ABCB10: variants seen among roughly 807,000 people sequenced by gnomAD.
The protein encoded by ABCB10 is ATP binding cassette subfamily B member 10.
Under a neutral mutation model 65.4 loss-of-function variants are expected in ABCB10, and 54 were observed. That is an observed-to-expected ratio of 0.83 (90% CI 0.66 to 1.04). ABCB10 has a LOEUF of 1.04. Among genes scored for constraint, ABCB10 ranks in the 50% least tolerant of loss-of-function variants. The probability of loss-of-function intolerance (pLI) is 0.00; values close to 1 mark genes in which losing one functional copy is unlikely to be tolerated. For missense variants in ABCB10, 846 were observed against 976.6 expected, an observed-to-expected ratio of 0.87 and a Z score of 1.78; for synonymous variants, 418 against 406.5, an observed-to-expected ratio of 1.03 and a Z score of -0.34.
In ABCB10 at chr1:229,521,646, C is replaced by A. The variant is rs1378196917; in HGVS notation, c.1907-11G>T. The A allele has an allele frequency of 6.2e-7, 1 of 1,612,588 alleles. No individual in the cohort carries two copies. Among genetic ancestry groups the A allele is most frequent in the Non-Finnish European group, 8.5e-7 (1 of 1,179,242 alleles). ...GCTGTTTCTGCCCACCTGACAAAGACAACATTTAAAAAAAGAAGGCCTCAA... is the reference window on the plus strand; with the variant it reads ...GCTGTTTCTGCCCACCTGACAAAGAAAACATTTAAAAAAAGAAGGCCTCAA... On this transcript the variant is annotated splice_polypyrimidine_tract_variant and intron_variant, in intron 10 of 12. Coordinates refer to ENST00000344517, the MANE Select transcript of ABCB10 (RefSeq NM_012089.3).
chr1:229,542,128 G>T, intron 4 of ABCB10, 109 bp downstream of exon 4: 2 of 1,357,334 alleles, frequency 1.5e-6, no homozygotes, highest in Non-Finnish European at 2.0e-6. Flanking sequence ...GAAAGGAAAG[G>T]CAGGCACTTC....
Position 229,558,305 on chromosome 1 carries a change from GGC to G in ABCB10, c.346_347del (p.Ala116ProfsTer51). 1 of 1,235,666 alleles carries G rather than the reference GGC, an allele frequency of 8.1e-7. No homozygotes were observed. The highest frequency in any genetic ancestry group is 1.0e-6 in the Non-Finnish European group (1 of 988,240). 76.5% of individuals were successfully genotyped at this position (1,235,666 alleles called of 1,614,324 possible). ...CGGCTGCGGGACCGCCCGGGAACCGGGCGCGCGGGAGCCGAGGAGCGCCTGGC... is the reference window on the plus strand; with the variant it reads ...CGGCTGCGGGACCGCCCGGGAACCGGGCGCGGGAGCCGAGGAGCGCCTGGC... ...AGPGAPRLPR[A>X]RFPGGPAAAA... On this transcript the variant is annotated frameshift_variant, in exon 1 of 13. Transcript: ENST00000344517. LOFTEE classifies it high-confidence loss of function.
intron 11 of ABCB10, among the ~76,000 whole-genome samples, chr1:229,520,990 A>C (rs1012202724): frequency 6.6e-6 from 1 of 152,226 alleles, no homozygotes; most frequent in Non-Finnish European, 1.5e-5. Context: ...CCAACTCCGC[A>C]AATTTACTAA....
chr1:229,547,146 G>C (rs570688391), intron 3 of ABCB10, among the ~76,000 whole-genome samples: 2 of 152,296 alleles, frequency 1.3e-5, no homozygotes, highest in East Asian at 1.9e-4. Context: ...TACACACACA[G>C]AGGAATGGAA....
Position 229,527,219 on chromosome 1 carries a change from C to G in ABCB10, c.1725+10G>C, listed in dbSNP as rs1558120107. The G allele has an allele frequency of 1.2e-6, 2 of 1,604,618 alleles. No homozygotes were observed. The highest frequency in any genetic ancestry group is 2.2e-5 in the South Asian group (2 of 89,434). ...GAAAGTGAAATAGAAATGGAAGCCT[C>G]TCTTCTTACCTGACTCACTGTCCCA... On this transcript the variant is annotated intron_variant, in intron 9 of 12. Coordinates refer to ENST00000344517, the MANE Select transcript of ABCB10 (RefSeq NM_012089.3).
Position 229,517,958 on chromosome 1 carries a change from T to G in ABCB10, c.*221A>C. On this transcript the variant is annotated 3_prime_UTR_variant, in exon 13 of 13. Transcript: ENST00000344517. Reference sequence around the variant, plus strand: ...GAAAATACAAAACCTGAAAATAACTTCAGTGCTATAGACATTTAAAAAGTT... The same window carrying G: ...GAAAATACAAAACCTGAAAATAACTGCAGTGCTATAGACATTTAAAAAGTT... 2.2e-6 allele frequency: 1 copy of G among 459,028 alleles called. No homozygotes were observed. Among genetic ancestry groups the G allele is most frequent in the Non-Finnish European group, 3.8e-6 (1 of 260,822 alleles). The allele number at this position is 459,028 out of a possible 1,614,324, so 28.4% of individuals were successfully genotyped here.
intron 6 of ABCB10, among the ~76,000 whole-genome samples, chr1:229,533,335 G>T (rs2102691877): frequency 6.6e-6 from 1 of 151,856 alleles, no homozygotes; most frequent in South Asian, 2.1e-4. Flanking sequence ...TGTTGGCCAG[G>T]CTGGTCTCCA....
At chr1:229,524,103 G>C (rs1662376558) in intron 10 of ABCB10, among the ~76,000 whole-genome samples, 2 of 151,848 alleles carry the variant, frequency 1.3e-5, no homozygotes, top group African/African-American at 2.4e-5. Flanking sequence ...AGTCTAATCT[G>C]CCAGCCTTCA....
intron 6 of ABCB10, among the ~76,000 whole-genome samples, chr1:229,532,213 A>G (rs998996799): frequency 2.6e-5 from 4 of 152,110 alleles, no homozygotes; most frequent in Non-Finnish European, 5.9e-5. Flanking sequence ...CAGCCTCCCA[A>G]AGTGTGGGAT....
chr1:229,551,304 C>T (rs866838024), intron 1 of ABCB10, among the ~76,000 whole-genome samples: 14 of 152,298 alleles, frequency 9.2e-5, no homozygotes, highest in South Asian at 2.1e-4. Flanking sequence ...ACACTACCCA[C>T]CTCACTCCCT....
intron 10 of ABCB10, among the ~76,000 whole-genome samples, chr1:229,524,673 C>T (rs1223721334): frequency 1.3e-5 from 2 of 152,212 alleles, no homozygotes; most frequent in Non-Finnish European, 2.9e-5. Context: ...GGGAATCGCT[C>T]ACTTTGCCTC....
chr1:229,530,360 T>A lies in ABCB10; in HGVS notation c.1484A>T (p.Lys495Met), dbSNP rs761736268. 6.2e-7 allele frequency: 1 copy of A among 1,614,188 alleles called. No homozygotes were observed. Reference sequence around the variant, plus strand: ...AGCTGGATAGGCAAAATGCACGTTCTTAAACTCCAAAGCACCCTGGAAGCT... The same window carrying A: ...AGCTGGATAGGCAAAATGCACGTTCATAAACTCCAAAGCACCCTGGAAGCT... ...EKSFQGALEF[K>M]NVHFAYPARP... Residue 495 changes from lysine (K) to methionine (M), a missense_variant, in exon 8 of 13, where the codon AAG becomes ATG. Transcript: ENST00000344517.
intron 6 of ABCB10, among the ~76,000 whole-genome samples, chr1:229,534,747 C>G (rs1330256302): frequency 6.6e-6 from 1 of 151,430 alleles, no homozygotes; most frequent in Admixed American, 6.6e-5. Context: ...GGCACGCACC[C>G]GTAGTCCCAG....
Position 229,549,342 on chromosome 1 carries a change from T to A in ABCB10, c.610A>T (p.Thr204Ser), listed in dbSNP as rs1663049357. The change falls in exon 2 of 13, where the codon ACT becomes TCT. Residue 204 changes from threonine (T) to serine (S), a missense_variant. This residue lies in a region of ABCB10 where 632 missense variants were observed against 803.2 expected (regional missense o/e 0.79). Transcript: ENST00000344517. ...KIIDVIYTNP[T>S]VDYSDNLTRL... is the part of the protein sequence containing the mutation. ...GTCAGGTTGTCGCTGTAGTCCACAG[T>A]GGGGTTGGTATAGATGACATCAATG... is the stretch of plus-strand genomic sequence containing the variant. 1 of 1,613,602 alleles carries A rather than the reference T, an allele frequency of 6.2e-7. No individual in the cohort carries two copies. The highest frequency in any genetic ancestry group is 8.5e-7 in the Non-Finnish European group (1 of 1,179,946).
At chr1:229,535,038 T>TAAAAAAAAAAA (rs71173739) in intron 6 of ABCB10, 15 of 47,498 alleles carry the variant, frequency 3.2e-4, no homozygotes, top group African/African-American at 5.3e-4. Flanking sequence ...AGACTCCCTT[T>TAAAAAAAAAAA]AAAAAAAAAA....
At position 229,517,078 on chromosome 1, in the gene ABCB10, T is replaced by C. The variant is rs1038996077; in HGVS notation, c.*1101A>G. The C allele has an allele frequency of 6.6e-6, 1 of 152,184 alleles. No homozygotes were observed. Among genetic ancestry groups the C allele is most frequent in the African/African-American group, 2.4e-5 (1 of 41,450 alleles). The allele number at this position is 152,184 out of a possible 1,614,324, so 9.4% of individuals were successfully genotyped here. On this transcript the variant is annotated 3_prime_UTR_variant, in exon 13 of 13. Coordinates refer to ENST00000344517, the MANE Select transcript of ABCB10 (RefSeq NM_012089.3). ...GCAAATTAACAGCACTGATACAAAATATGGCAAATTCAATGGTTGTAGCAT... is the reference window on the plus strand; with the variant it reads ...GCAAATTAACAGCACTGATACAAAACATGGCAAATTCAATGGTTGTAGCAT...
In ABCB10 at chr1:229,539,579, C is replaced by T. The variant is rs749026282; in HGVS notation, c.1216G>A (p.Gly406Arg). The change falls in exon 6 of 13, where the codon GGA becomes AGA. Residue 406 changes from glycine to arginine, a missense_variant. This residue lies in a region of ABCB10 where 632 missense variants were observed against 803.2 expected (regional missense o/e 0.79). Transcript: ENST00000344517. ...AGGACAGAAAGCACGATCAGGTTTC[C>T]GGAGAGCCCAGTCTGTCGAATGAAG... ...AGFFGATGLS[G>R]NLIVLSVLYK... is the part of the protein sequence containing the mutation. 8.7e-6 allele frequency: 14 copies of T among 1,613,424 alleles called. No homozygotes were observed. The highest frequency in any genetic ancestry group is 2.7e-5 in the African/African-American group (2 of 74,884).
rs1243708739 is a variant in ABCB10 at position 229,540,621 on chromosome 1, A to G, written c.1188T>C (p.Ala396=). 1.1e-5 allele frequency: 18 copies of G among 1,611,192 alleles called. No individual in the cohort carries two copies. The highest frequency in any genetic ancestry group is 1.4e-5 in the Non-Finnish European group (17 of 1,179,802). ...ATCTACTTACTGCTCCAAAGAAACC[A>G]GCCCGGGCGAATGCCTCTTTCCTTG... ...QLARKEAFAR[A]GFFGATGLSG... Residue 396 remains alanine (A), a synonymous_variant, in exon 5 of 13, where the codon GCT becomes GCC. Coordinates refer to ENST00000344517, the MANE Select transcript of ABCB10 (RefSeq NM_012089.3).
In ABCB10 at chr1:229,518,098, T is replaced by C. The variant is rs1434717263; in HGVS notation, c.*81A>G. 10 of 992,028 alleles carry C rather than the reference T, an allele frequency of 1.0e-5. No individual in the cohort carries two copies. Among genetic ancestry groups the C allele is most frequent in the Middle Eastern group, 4.2e-4 (2 of 4,758 alleles). The allele number at this position is 992,028 out of a possible 1,614,324, so 61.5% of individuals were successfully genotyped here. A position where few individuals can be genotyped will look rare whatever the true frequency, so the allele number is the denominator to read the frequency against. ...TTCAAATAACTTGATATATGGTTTA[T>C]GTATTTCATAGTCTCTGAGTTTTTT... On this transcript the variant is annotated 3_prime_UTR_variant, in exon 13 of 13. Transcript: ENST00000344517.
Sources: allele counts gnomAD v4.1 joint callset (sites outside exome capture counted in the v4.1 genomes callset), GRCh38; gene constraint gnomAD v4.1.1; regional missense constraint gnomAD v4.1.1; transcripts MANE v1.5; gene names NCBI Gene and HGNC (gene_info 2026-07-23, HGNC 2026-07-21).